Variants in PRUNE2 observed in about 807,000 individuals in gnomAD.
The protein encoded by PRUNE2 is prune homolog 2 with BCH domain, also known as protein prune homolog 2.
In PRUNE2, 164 loss-of-function variants were observed where a neutral mutation model predicts 252.0. The ratio of observed to expected loss-of-function variants is 0.65; its 90% CI spans 0.57 to 0.74. The LOEUF (loss-of-function observed/expected upper bound fraction) is 0.74, where lower values mean the gene tolerates loss of function less well. Ranked by LOEUF, PRUNE2 falls within the 30% of genes least tolerant of loss-of-function variation. The probability of loss-of-function intolerance (pLI) is 0.00; values close to 1 mark genes in which losing one functional copy is unlikely to be tolerated. For synonymous variants in PRUNE2, 1,292 were observed against 1,350.2 expected, an observed-to-expected ratio of 0.96 and a Z score of 0.94; for missense variants, 3,495 against 3,711.0, an observed-to-expected ratio of 0.94 and a Z score of 1.51.
intron 9 of PRUNE2, among the ~76,000 whole-genome samples, chr9:76,696,989 A>T (rs2045452290): frequency 2.0e-5 from 3 of 152,160 alleles, no homozygotes; most frequent in African/African-American, 7.2e-5. Flanking sequence ...CATCTTCGTA[A>T]ATACTCTCTT....
At chr9:76,677,766 G>A (rs1237714849) in intron 9 of PRUNE2, among the ~76,000 whole-genome samples, 1 of 152,116 alleles carries the variant, frequency 6.6e-6, no homozygotes, top group Non-Finnish European at 1.5e-5. Flanking sequence ...GACTTTCCTG[G>A]AGAAGTCCAG....
At chr9:76,671,031 C>A (rs986146992) in intron 9 of PRUNE2, among the ~76,000 whole-genome samples, 2 of 152,190 alleles carry the variant, frequency 1.3e-5, no homozygotes, top group Non-Finnish European at 2.9e-5. Context: ...TCCTCACCTG[C>A]AACGGAATAA....
chr9:76,623,945 TTTTG>T (rs1371310133), intron 17 of PRUNE2, among the ~76,000 whole-genome samples: 1 of 152,270 alleles, frequency 6.6e-6, no homozygotes, highest in Non-Finnish European at 1.5e-5. Flanking sequence ...GGGCAATGAC[TTTTG>T]TTTTTCTATT....
At chr9:76,724,587 C>T (rs1399615893) in intron 6 of PRUNE2, among the ~76,000 whole-genome samples, 1 of 152,068 alleles carries the variant, frequency 6.6e-6, no homozygotes, top group Non-Finnish European at 1.5e-5. Flanking sequence ...TCCTATCTTC[C>T]ATAAAGAAGC....
intron 10 of PRUNE2, among the ~76,000 whole-genome samples, chr9:76,653,362 G>A (rs1848113924): frequency 6.6e-6 from 1 of 152,158 alleles, no homozygotes; most frequent in African/African-American, 2.4e-5. Context: ...AAATGGTGTA[G>A]TGTTGACATA....
rs1564272869 is a variant in PRUNE2, at chr9:76,774,464, T to TATTTA, written c.756+49167_756+49168insTAAAT. ...CCAGTTCAACCCTTTTTTTTTTTTT[T>TATTTA]TTTTTTTTTTTTTGAGATGGAGTCT... On this transcript the variant is annotated intron_variant, in intron 6 of 18. Transcript: ENST00000376718. Among the ~76,000 whole-genome samples, 9 of 142,862 alleles carry TATTTA rather than the reference T, an allele frequency of 6.3e-5. No homozygotes were observed. In the Admixed American group the frequency reaches 6.3e-4, roughly 10 times the overall value. 93.7% of individuals were successfully genotyped at this position (142,862 alleles called of 152,430 possible). A position where few individuals can be genotyped will look rare whatever the true frequency, so the allele number is the denominator to read the frequency against.
At position 76,709,942 on chromosome 9, in the gene PRUNE2, T is replaced by C; in HGVS notation, c.2332A>G (p.Met778Val). ...GTAGGATTTCCCCAGGGCTCGGGCA[T>C]GGCTGTGGGAGAGCGACCAGAATGC... is the stretch of plus-strand genomic sequence containing the variant. ...LWHSGRSPTA[M>V]PEPWGNPTDD... The change falls in exon 8 of 19, where the codon ATG (methionine) becomes GTG (valine). Residue 778 changes from methionine (M) to valine (V), a missense_variant. By Grantham distance (21) the Met-to-Val change is conservative. Transcript: ENST00000376718. 1 of 1,613,852 alleles carries C rather than the reference T, an allele frequency of 6.2e-7. No homozygotes were observed. Among genetic ancestry groups the C allele is most frequent in the South Asian group, 1.1e-5 (1 of 91,040 alleles).
At chr9:76,615,186 C>G (rs1030703267) in intron 18 of PRUNE2, 1 of 985,288 alleles carries the variant, frequency 1.0e-6, no homozygotes, top group South Asian at 4.7e-5. Flanking sequence ...AAGCCTAAAA[C>G]TCACTCGAAT....
intron 11 of PRUNE2, among the ~76,000 whole-genome samples, chr9:76,650,453 C>T (rs572702490): frequency 1.7e-4 from 26 of 152,194 alleles, no homozygotes; most frequent in Admixed American, 7.2e-4. Context: ...AAAATGGTCG[C>T]GTGAGAAACC....
At chr9:76,623,659 A>C (rs2132099671) in intron 17 of PRUNE2, among the ~76,000 whole-genome samples, 1 of 152,306 alleles carries the variant, frequency 6.6e-6, no homozygotes, top group East Asian at 1.9e-4. Context: ...GATGCAAATA[A>C]TTTCTGTCCA....
chr9:76,670,704 T>C (rs2133915061), intron 9 of PRUNE2, among the ~76,000 whole-genome samples: 1 of 152,078 alleles, frequency 6.6e-6, no homozygotes, highest in East Asian at 1.9e-4. Flanking sequence ...GCTGGAGATC[T>C]GAGAACAGGC....
At position 76,706,247 on chromosome 9, in the gene PRUNE2, T is replaced by C. The variant is rs1305786624; in HGVS notation, c.6027A>G (p.Thr2009=). 1 of 1,613,908 alleles carries C rather than the reference T, an allele frequency of 6.2e-7. No individual in the cohort carries two copies. The highest frequency in any genetic ancestry group is 2.2e-5 in the East Asian group (1 of 44,894). Residue 2009 remains threonine (T), a synonymous_variant, in exon 8 of 19, where the codon ACA becomes ACG. Coordinates refer to ENST00000376718, the MANE Select transcript of PRUNE2 (RefSeq NM_015225.3). Reference sequence around the variant, plus strand: ...AATTTTCTGTGGCAATGCTTGAATTTGTCATCTCACCTAGGTATGATTTTT... The same window carrying C: ...AATTTTCTGTGGCAATGCTTGAATTCGTCATCTCACCTAGGTATGATTTTT... ...EQEKSYLGEM[T]NSSIATENFP...
intron 1 of PRUNE2, among the ~76,000 whole-genome samples, chr9:76,872,127 G>C (rs998135477): frequency 5.3e-5 from 8 of 151,870 alleles, no homozygotes; most frequent in African/African-American, 1.9e-4. Flanking sequence ...CTGGAACCCT[G>C]TGCCCTCATG....
intron 14 of PRUNE2, among the ~76,000 whole-genome samples, chr9:76,636,981 G>GTA (rs1168589371): frequency 7.0e-6 from 1 of 143,636 alleles, no homozygotes; most frequent in Non-Finnish European, 1.5e-5. Flanking sequence ...AAATGTGTGT[G>GTA]TGTGTGTGTG....
At chr9:76,823,249 TTTTTC>T in intron 6 of PRUNE2, 1 of 156,146 alleles carries the variant, frequency 6.4e-6, no homozygotes, top group East Asian at 1.9e-4. Context: ...TTTTTTTTCT[TTTTTC>T]TTTTTTTTTT....
At chr9:76,873,390 C>T (rs1226821357) in intron 1 of PRUNE2, among the ~76,000 whole-genome samples, 3 of 152,200 alleles carry the variant, frequency 2.0e-5, no homozygotes, top group Non-Finnish European at 4.4e-5. Flanking sequence ...TTCAGCTACA[C>T]TCTGCCACTG....
At chr9:76,790,627 A>G (rs1369721474) in intron 6 of PRUNE2, among the ~76,000 whole-genome samples, 1 of 152,174 alleles carries the variant, frequency 6.6e-6, no homozygotes, top group African/African-American at 2.4e-5. Context: ...AAAGGAAAAA[A>G]GTCCACAATA....
chr9:76,866,623 C>T (rs777741498), intron 1 of PRUNE2, among the ~76,000 whole-genome samples: 3 of 151,762 alleles, frequency 2.0e-5, no homozygotes, highest in Non-Finnish European at 4.4e-5. Context: ...GAGATGGGCA[C>T]GTGGAGTTCT....
At chr9:76,713,317 T>C (rs1211996781) in intron 7 of PRUNE2, among the ~76,000 whole-genome samples, 1 of 152,198 alleles carries the variant, frequency 6.6e-6, no homozygotes, top group South Asian at 2.1e-4. Flanking sequence ...CTTGCTCTTT[T>C]GGGAATGAGA....
Sources: gnomAD v4.1 joint callset for allele counts (sites outside exome capture counted in the v4.1 genomes callset) on GRCh38, gnomAD v4.1.1 for gene constraint, MANE v1.5 for transcripts, NCBI Gene and HGNC (gene_info 2026-07-23, HGNC 2026-07-21) for gene names.